The following AQP6 variants were observed in gnomAD, a reference collection of about 807,000 sequenced individuals.
AQP6 encodes aquaporin-6.
AQP6 carries 14 observed loss-of-function variants against 16.3 expected under a neutral mutation model. That is an observed-to-expected ratio of 0.86 (90% CI 0.57 to 1.34). The LOEUF (loss-of-function observed/expected upper bound fraction) is 1.34. AQP6 is among the 40% of genes most tolerant of loss of function. The probability of loss-of-function intolerance (pLI) is 0.00; values close to 1 mark genes in which losing one functional copy is unlikely to be tolerated. For missense variants in AQP6, 331 were observed against 379.7 expected (o/e 0.87, Z 1.07); for synonymous variants, 178 against 166.8 (o/e 1.07, Z -0.52).
Position 49,976,840 on chromosome 12 carries a change from C to T in AQP6, c.*1169C>T. ...GGCTCTCTGTCAGCATTACAGGATC[C>T]CCAGAAAGCTGTTGAATAAGCCCTA... On this transcript the variant is annotated 3_prime_UTR_variant, in exon 4 of 4. Transcript: ENST00000315520. 1.6e-6 allele frequency: 1 copy of T among 615,724 alleles called. No individual in the cohort carries two copies. The highest frequency in any genetic ancestry group is 2.9e-6 in the Non-Finnish European group (1 of 346,386). The allele number at this position is 615,724 out of a possible 1,614,324, so 38.1% of individuals were successfully genotyped here. A position where few individuals can be genotyped will look rare whatever the true frequency, so the allele number is the denominator to read the frequency against.
chr12:49,973,232 G>A lies in AQP6; in HGVS notation c.59G>A (p.Trp20Ter). Residue 20 changes from tryptophan to a stop codon, truncating the protein, a stop_gained, in exon 1 of 4, where the codon TGG becomes TAG. Coordinates refer to ENST00000315520, the MANE Select transcript of AQP6 (RefSeq NM_001652.4). LOFTEE classifies it high-confidence loss of function. Reference sequence around the variant, plus strand: ...GCCAGCATGTTGGCGTGCAGGCTTTGGAAAGCCATCAGCAGGGCGCTGTTT... The same window carrying A: ...GCCAGCATGTTGGCGTGCAGGCTTTAGAAAGCCATCAGCAGGGCGCTGTTT... The part of the protein sequence containing the change: ...GWASMLACRL[W>*]KAISRALFAE... 6.2e-7 allele frequency: 1 copy of A among 1,613,916 alleles called. No individual in the cohort carries two copies.
chr12:49,976,673 C>T lies in AQP6; in HGVS notation c.*1002C>T. ...TAGAGGAAGGGAGGTTTGAGCCAGA[C>T]AGGCCTTTCCCAGGGAAGCCTCCTC... On this transcript the variant is annotated 3_prime_UTR_variant, in exon 4 of 4. Transcript: ENST00000315520. The T allele has an allele frequency of 2.6e-6, 1 of 389,234 alleles. No homozygotes were observed. The highest frequency in any genetic ancestry group is 4.6e-6 in the Non-Finnish European group (1 of 217,498). The allele number at this position is 389,234 out of a possible 1,614,324, so 24.1% of individuals were successfully genotyped here.
In AQP6 at chr12:49,976,771, A is replaced by T; in HGVS notation, c.*1100A>T. Reference sequence around the variant, plus strand: ...AACAATCCTCAGAGGGGAAGTGCCCATCTAGCCATTGACTCATGACCTGGG... The same window carrying T: ...AACAATCCTCAGAGGGGAAGTGCCCTTCTAGCCATTGACTCATGACCTGGG... On this transcript the variant is annotated 3_prime_UTR_variant, in exon 4 of 4. Coordinates refer to ENST00000315520, the MANE Select transcript of AQP6 (RefSeq NM_001652.4). The T allele has an allele frequency of 1.8e-6, 1 of 562,184 alleles. No individual in the cohort carries two copies. Among genetic ancestry groups the T allele is most frequent in the Non-Finnish European group, 3.1e-6 (1 of 318,390 alleles). The allele number at this position is 562,184 out of a possible 1,614,324, so 34.8% of individuals were successfully genotyped here. A position where few individuals can be genotyped will look rare whatever the true frequency, so the allele number is the denominator to read the frequency against.
At chr12:49,973,725 A>G (rs1947548588) in intron 1 of AQP6, 150 bp downstream of exon 1, 2 of 1,260,748 alleles carry the variant, frequency 1.6e-6, no homozygotes, top group African/African-American at 1.5e-5. Context: ...CAGGACCCAG[A>G]GGACTGAGAC....
chr12:49,973,435 G>A lies in AQP6; in HGVS notation c.262G>A (p.Ala88Thr). The A allele has an allele frequency of 6.2e-7, 1 of 1,613,444 alleles. No homozygotes were observed. The highest frequency in any genetic ancestry group is 1.1e-5 in the South Asian group (1 of 91,090). ...CCACGCCAACCCCGCCGTGACGCTG[G>A]CCTTCCTCGTAGGCTCCCACATCTC... is the stretch of plus-strand genomic sequence containing the variant. ...GAHANPAVTL[A>T]FLVGSHISLP... The change falls in exon 1 of 4, where the codon GCC becomes ACC. Residue 88 changes from alanine to threonine, a missense_variant. Physicochemically the swap from Ala to Thr is moderately conservative, Grantham distance 58 (BLOSUM62 0). Transcript: ENST00000315520.
In AQP6 at chr12:49,974,348, C is replaced by G; in HGVS notation, c.427C>G (p.Gln143Glu). Residue 143 changes from glutamine to glutamate, a missense_variant, in exon 2 of 4, where the codon CAG becomes GAG. Physicochemically the swap from Gln to Glu is conservative, Grantham distance 29 (BLOSUM62 2). Transcript: ENST00000315520. ...NVVRNSVSTG[Q>E]AVAVELLLTL... ...GGTCCGGAACAGTGTCTCAACTGGC[C>G]AGGCGGTGGCAGTGGAGCTGCTTCT... 1 of 1,596,416 alleles carries G rather than the reference C, an allele frequency of 6.3e-7. No individual in the cohort carries two copies. Among genetic ancestry groups the G allele is most frequent in the Non-Finnish European group, 8.6e-7 (1 of 1,168,946 alleles).
intron 1 of AQP6, chr12:49,974,079 C>G: frequency 8.0e-7 from 1 of 1,242,338 alleles, no homozygotes; most frequent in East Asian, 3.1e-5. Context: ...CTCAAGCAAG[C>G]CTCCTGAACC....
Position 49,973,362 on chromosome 12 carries a change from C to T in AQP6, c.189C>T (p.Asn63=), listed in dbSNP as rs149958490. The T allele has an allele frequency of 2.6e-5, 42 of 1,613,422 alleles. No individual in the cohort carries two copies. The African/African-American group carries it at 4.9e-4, about 19-fold the overall frequency. Residue 63 remains asparagine, a synonymous_variant, in exon 1 of 4, where the codon AAC becomes AAT. Coordinates refer to ENST00000315520, the MANE Select transcript of AQP6 (RefSeq NM_001652.4). The stretch of plus-strand genomic sequence containing the variant: ...TGCTACAGATTGCCATCACCTTCAA[C>T]CTGGTCACCGCCATGGCTGTGCAGG... ...PSVLQIAITF[N]LVTAMAVQVT...
In AQP6 at chr12:49,976,904, A is replaced by G; in HGVS notation, c.*1233A>G. 1.4e-6 allele frequency: 1 copy of G among 698,034 alleles called. No homozygotes were observed. The highest frequency in any genetic ancestry group is 2.6e-6 in the Non-Finnish European group (1 of 382,502). The allele number at this position is 698,034 out of a possible 1,614,324, so 43.2% of individuals were successfully genotyped here. Reference sequence around the variant, plus strand: ...CCCAGGAGGGACCCAGGAAACTAAGATTTGAGATTCAGTGCCTCTGAAAGA... The same window carrying G: ...CCCAGGAGGGACCCAGGAAACTAAGGTTTGAGATTCAGTGCCTCTGAAAGA... On this transcript the variant is annotated 3_prime_UTR_variant, in exon 4 of 4. Transcript: ENST00000315520.
rs1466317771 is a variant in AQP6 at position 49,975,542 on chromosome 12, G to C, written c.720G>C (p.Lys240Asn). 1.2e-6 allele frequency: 2 copies of C among 1,613,918 alleles called. No individual in the cohort carries two copies. Among genetic ancestry groups the C allele is most frequent in the South Asian group, 2.2e-5 (2 of 91,076 alleles). Residue 240 changes from lysine (K) to asparagine (N), a missense_variant, in exon 4 of 4, where the codon AAG becomes AAC. By Grantham distance (94) the Lys-to-Asn change is moderately conservative. Coordinates refer to ENST00000315520, the MANE Select transcript of AQP6 (RefSeq NM_001652.4). The surrounding 1 kb of genome is among the most constrained non-coding windows in gnomAD (Gnocchi z 4.4). The part of the protein sequence containing the change: ...IYNFVLFPDT[K>N]TLAQRLAILT... ...ACTTCGTCCTGTTCCCCGACACCAA[G>C]ACCCTGGCGCAGCGGCTGGCTATCC...
chr12:49,975,885 T>A lies in AQP6; in HGVS notation c.*214T>A. On this transcript the variant is annotated 3_prime_UTR_variant, in exon 4 of 4. Transcript: ENST00000315520. This position sits in a 1 kb window ranked among gnomAD's most constrained non-coding sequence, Gnocchi z 4.4. ...TCTGTAGGGCTTCCCCACCTCTCGG[T>A]GGGACAGAGCAGAGGAAGGCAGGGG... 1.8e-6 allele frequency: 1 copy of A among 548,228 alleles called. No individual in the cohort carries two copies. Among genetic ancestry groups the A allele is most frequent in the Non-Finnish European group, 2.9e-6 (1 of 348,048 alleles). The allele number at this position is 548,228 out of a possible 1,614,324, so 34.0% of individuals were successfully genotyped here. A position where few individuals can be genotyped will look rare whatever the true frequency, so the allele number is the denominator to read the frequency against.
chr12:49,975,733 T>A lies in AQP6; in HGVS notation c.*62T>A. The A allele has an allele frequency of 7.1e-7, 1 of 1,402,632 alleles. No homozygotes were observed. Among genetic ancestry groups the A allele is most frequent in the African/African-American group, 1.5e-5 (1 of 68,478 alleles). 86.9% of individuals were successfully genotyped at this position (1,402,632 alleles called of 1,614,324 possible). ...CCTTGCAGGACCTGCCTGGAGGTTC[T>A]CCCTGGGGGTGGCGGGAGGGGGAGG... On this transcript the variant is annotated 3_prime_UTR_variant, in exon 4 of 4. Coordinates refer to ENST00000315520, the MANE Select transcript of AQP6 (RefSeq NM_001652.4). This position sits in a 1 kb window ranked among gnomAD's most constrained non-coding sequence, Gnocchi z 4.4.
rs1226919665 is a variant in AQP6 at position 49,973,026 on chromosome 12, G to A, written c.-148G>A. 9.0e-7 allele frequency: 1 copy of A among 1,110,612 alleles called. No homozygotes were observed. Among genetic ancestry groups the A allele is most frequent in the Non-Finnish European group, 1.2e-6 (1 of 802,556 alleles). 68.8% of individuals were successfully genotyped at this position (1,110,612 alleles called of 1,614,324 possible). A position where few individuals can be genotyped will look rare whatever the true frequency, so the allele number is the denominator to read the frequency against. On this transcript the variant is annotated 5_prime_UTR_variant, in exon 1 of 4. Coordinates refer to ENST00000315520, the MANE Select transcript of AQP6 (RefSeq NM_001652.4). ...CTGGGGACAGGAGCGTGGTGGAGGA[G>A]CTGCAGGTGGGGGCCAGAGAAGCCT...
rs1947548246 is a variant in AQP6, at chr12:49,973,693, C to CA, written c.402+119dup. The CA allele has an allele frequency of 8.7e-6, 12 of 1,372,024 alleles. No individual in the cohort carries two copies. The East Asian group carries it at 1.8e-4, about 20-fold the overall frequency. 85.0% of individuals were successfully genotyped at this position (1,372,024 alleles called of 1,614,324 possible). A position where few individuals can be genotyped will look rare whatever the true frequency, so the allele number is the denominator to read the frequency against. On this transcript the variant is annotated intron_variant, in intron 1 of 3. Transcript: ENST00000315520. ...GAGGAAACAAGTCAGCTGCAGGCTCCACATCCTCCCGGGCTGGGCCCCAGG... is the reference window on the plus strand; with the variant it reads ...GAGGAAACAAGTCAGCTGCAGGCTCCAACATCCTCCCGGGCTGGGCCCCAGG...
chr12:49,975,002 G>T lies in AQP6; in HGVS notation c.642+176G>T. 7.0e-7 allele frequency: 1 copy of T among 1,418,522 alleles called. No individual in the cohort carries two copies. The highest frequency in any genetic ancestry group is 3.0e-5 in the Admixed American group (1 of 33,198). 87.9% of individuals were successfully genotyped at this position (1,418,522 alleles called of 1,614,324 possible). A position where few individuals can be genotyped will look rare whatever the true frequency, so the allele number is the denominator to read the frequency against. On this transcript the variant is annotated intron_variant, in intron 3 of 3. Transcript: ENST00000315520. This position sits in a 1 kb window ranked among gnomAD's most constrained non-coding sequence, Gnocchi z 4.4. ...TACCCAGTGGACTGGCAAGAAATGG[G>T]CCAGGGCAGGAGCTGCAGCCTTGGC...
chr12:49,974,000 T>G, intron 1 of AQP6: 1 of 1,161,812 alleles, frequency 8.6e-7, no homozygotes, highest in East Asian at 4.2e-5. Context: ...CCCTTCTCCA[T>G]TTCGTAACCA....
chr12:49,974,758 G>A lies in AQP6; in HGVS notation c.574G>A (p.Gly192Ser), dbSNP rs752350341. 6 of 1,614,182 alleles carry A rather than the reference G, an allele frequency of 3.7e-6. No individual in the cohort carries two copies. The highest frequency in any genetic ancestry group is 5.1e-6 in the Non-Finnish European group (6 of 1,180,020). The change falls in exon 3 of 4, where the codon GGC becomes AGC. Residue 192 changes from glycine (G) to serine (S), a missense_variant. Physicochemically the swap from Gly to Ser is moderately conservative, Grantham distance 56. Coordinates refer to ENST00000315520, the MANE Select transcript of AQP6 (RefSeq NM_001652.4). ...ACTTGCTCCCCAGATCCACTTCACT[G>A]GCTGCTCCATGAATCCAGCCCGCTC... Reference protein sequence around the residue: ...LGHLIGIHFTGCSMNPARSFG... With the variant: ...LGHLIGIHFTSCSMNPARSFG...
chr12:49,975,411 C>T lies in AQP6; in HGVS notation c.643-54C>T. On this transcript the variant is annotated intron_variant, in intron 3 of 3. Transcript: ENST00000315520. This position sits in a 1 kb window ranked among gnomAD's most constrained non-coding sequence, Gnocchi z 4.4. ...GGGGAAGCAGGCAGCGGTCCCAGAGCCACCCTGTGGTCCTGATAGCTCCTG... is the reference window on the plus strand; with the variant it reads ...GGGGAAGCAGGCAGCGGTCCCAGAGTCACCCTGTGGTCCTGATAGCTCCTG... 4 of 1,525,238 alleles carry T rather than the reference C, an allele frequency of 2.6e-6. No homozygotes were observed. The South Asian group carries it at 4.0e-5, about 15-fold the overall frequency. The allele number at this position is 1,525,238 out of a possible 1,614,324, so 94.5% of individuals were successfully genotyped here.
Position 49,973,134 on chromosome 12 carries a change from G to A in AQP6, c.-40G>A, listed in dbSNP as rs1049417055. The stretch of plus-strand genomic sequence containing the variant: ...TCAGAGACCAGAGGAACAGAGAAGA[G>A]GCCCCAGAGCAAGGCAAGGAACGGC... On this transcript the variant is annotated 5_prime_UTR_variant, in exon 1 of 4. Coordinates refer to ENST00000315520, the MANE Select transcript of AQP6 (RefSeq NM_001652.4). 1.3e-6 allele frequency: 2 copies of A among 1,557,518 alleles called. No homozygotes were observed. Among genetic ancestry groups the A allele is most frequent in the Non-Finnish European group, 1.7e-6 (2 of 1,151,678 alleles).
Sources: gnomAD v4.1 joint callset for allele counts on GRCh38, gnomAD v4.1.1 for gene constraint, Gnocchi (gnomAD v3.1) non-coding constraint, MANE v1.5 for transcripts, NCBI Gene and HGNC (gene_info 2026-07-23, HGNC 2026-07-21) for gene names.